Variants in CSMD1 observed in about 807,000 individuals in gnomAD.
CSMD1 encodes the protein CUB and sushi domain-containing protein 1.
CSMD1 carries 213 observed loss-of-function variants against 417.5 expected under a neutral mutation model. The ratio of observed to expected loss-of-function variants is 0.51; its 90% confidence interval spans 0.46 to 0.57. CSMD1 has a LOEUF of 0.57. Ranked by LOEUF, CSMD1 falls within the 20% of genes least tolerant of loss-of-function variation. The probability of loss-of-function intolerance (pLI) is 0.00; values close to 1 mark genes in which losing one functional copy is unlikely to be tolerated. For missense variants in CSMD1, 6,923 were observed against 4,529.7 expected, an observed-to-expected ratio of 1.53 and a Z score of -15.17; for synonymous variants, 2,862 against 1,736.8, an observed-to-expected ratio of 1.65 and a Z score of -16.11.
At chr8:3,376,051 T>G (rs1261115022) in intron 18 of CSMD1, among the ~76,000 whole-genome samples, 1 of 152,136 alleles carries the variant, frequency 6.6e-6, no homozygotes, top group African/African-American at 2.4e-5. Context: ...AGCACTTACT[T>G]CATTGTGTGA....
At chr8:3,457,191 C>T (rs969348435) in intron 12 of CSMD1, among the ~76,000 whole-genome samples, 1 of 151,640 alleles carries the variant, frequency 6.6e-6, no homozygotes. Context: ...TCATCGTGGA[C>T]TCCTAACCTG....
intron 26 of CSMD1, among the ~76,000 whole-genome samples, chr8:3,281,964 C>T (rs774359386): frequency 2.0e-5 from 3 of 152,224 alleles, no homozygotes; most frequent in South Asian, 2.1e-4. Flanking sequence ...CCGCTTCACT[C>T]TGTCTTTCCC....
At chr8:4,457,566 T>G (rs141532230) in intron 2 of CSMD1, among the ~76,000 whole-genome samples, 84 of 152,310 alleles carry the variant, frequency 5.5e-4, no homozygotes, top group African/African-American at 1.9e-3. Context: ...CCTGTTAATT[T>G]ATTGTCTCTG....
rs144962870 is a variant in CSMD1, at chr8:3,325,152, G to C, written c.3632-16649C>G. Among the ~76,000 whole-genome samples, 695 of 152,218 alleles carry C rather than the reference G, an allele frequency of 4.6e-3. 4 individuals are homozygous for C. The highest frequency in any genetic ancestry group is 0.016 in the African/African-American group (657 of 41,542). Reference sequence around the variant, plus strand: ...ATAACAAAAATCAAAATCAGCAACAGCATGACCTGTGACCCCTTACCCAGT... The same window carrying C: ...ATAACAAAAATCAAAATCAGCAACACCATGACCTGTGACCCCTTACCCAGT... On this transcript the variant is annotated intron_variant, in intron 23 of 69. Coordinates refer to ENST00000635120, the MANE Select transcript of CSMD1 (RefSeq NM_033225.6).
chr8:4,589,350 T>G (rs903558742), intron 2 of CSMD1, among the ~76,000 whole-genome samples: 1 of 152,188 alleles, frequency 6.6e-6, no homozygotes, highest in Non-Finnish European at 1.5e-5. Context: ...TAATTCAAAG[T>G]ATTAACCATA....
At chr8:3,463,477 G>A (rs190760842) in intron 12 of CSMD1, among the ~76,000 whole-genome samples, 13 of 152,294 alleles carry the variant, frequency 8.5e-5, no homozygotes, top group Admixed American at 3.3e-4. Flanking sequence ...TTGAAGCCAC[G>A]TCCTGCAGCT....
At chr8:3,684,549 C>CTTTCTATA (rs1799841450) in intron 7 of CSMD1, among the ~76,000 whole-genome samples, 1 of 148,760 alleles carries the variant, frequency 6.7e-6, no homozygotes, top group African/African-American at 2.5e-5. Flanking sequence ...ATGGCACTGT[C>CTTTCTATA]TTTCTATATC....
chr8:3,769,647 G>T (rs1205681723), intron 5 of CSMD1, among the ~76,000 whole-genome samples: 4 of 152,016 alleles, frequency 2.6e-5, no homozygotes, highest in Non-Finnish European at 4.4e-5. Context: ...TCCATTAAGA[G>T]AATGTTATAG....
intron 5 of CSMD1, among the ~76,000 whole-genome samples, chr8:3,821,709 G>A (rs766024185): frequency 2.7e-4 from 41 of 152,142 alleles, no homozygotes; most frequent in Admixed American, 1.3e-4. Flanking sequence ...TTGAACCCAG[G>A]AGCGGGAGGT....
At chr8:4,245,470 A>G (rs948621977) in intron 3 of CSMD1, among the ~76,000 whole-genome samples, 3 of 152,164 alleles carry the variant, frequency 2.0e-5, no homozygotes, top group Admixed American at 1.3e-4. Context: ...CACCCAACTC[A>G]GCAAACAAAA....
In CSMD1 at chr8:4,698,903, AACACACACACACAC is replaced by A. The variant is rs71988727; in HGVS notation, c.86-61359_86-61346del. Among the ~76,000 whole-genome samples the A allele has an allele frequency of 1.2e-4, 17 of 140,214 alleles. No individual in the cohort carries two copies. The East Asian group carries it at 2.3e-3, about 19-fold the overall frequency. The allele number at this position is 140,214 out of a possible 152,430, so 92.0% of individuals were successfully genotyped here. A position where few individuals can be genotyped will look rare whatever the true frequency, so the allele number is the denominator to read the frequency against. On this transcript the variant is annotated intron_variant, in intron 1 of 69. Coordinates refer to ENST00000635120, the MANE Select transcript of CSMD1 (RefSeq NM_033225.6). The stretch of plus-strand genomic sequence containing the variant: ...CTCTTAAACATGTGCATACCCTCCC[AACACACACACACAC>A]ACACACACACACACACACACACACC...
At chr8:3,102,407 T>C (rs750089807) in intron 46 of CSMD1, among the ~76,000 whole-genome samples, 7 of 152,218 alleles carry the variant, frequency 4.6e-5, no homozygotes, top group Non-Finnish European at 1.0e-4. Flanking sequence ...GGTTATCCTG[T>C]TCGCCTCCTG....
At chr8:4,510,424 C>CAAAAAAAAAAAAAAAAAAAAAAAAA (rs1225463197) in intron 2 of CSMD1, among the ~76,000 whole-genome samples, 3 of 70,306 alleles carry the variant, frequency 4.3e-5, no homozygotes, top group African/African-American at 1.7e-4. Flanking sequence ...AAAAAAAAAG[C>CAAAAAAAAAAAAAAAAAAAAAAAAA]AAATACTTTG....
intron 61 of CSMD1, among the ~76,000 whole-genome samples, chr8:2,961,949 A>G (rs138123476): frequency 7.2e-5 from 11 of 152,354 alleles, no homozygotes; most frequent in African/African-American, 2.4e-4. Flanking sequence ...CTTTAATACT[A>G]TATTTTCTAG....
intron 5 of CSMD1, among the ~76,000 whole-genome samples, chr8:3,900,191 A>G (rs1409815124): frequency 6.6e-6 from 1 of 152,076 alleles, no homozygotes; most frequent in Admixed American, 6.5e-5. Flanking sequence ...GCTGGGTAAC[A>G]GTGCAGCTGG....
intron 5 of CSMD1, among the ~76,000 whole-genome samples, chr8:3,812,878 A>C (rs1463356734): frequency 6.6e-6 from 1 of 152,186 alleles, no homozygotes; most frequent in African/African-American, 2.4e-5. Context: ...GGACCAGTTT[A>C]ATGACATGCC....
At chr8:3,979,838 G>A (rs369738802) in intron 5 of CSMD1, among the ~76,000 whole-genome samples, 1 of 152,146 alleles carries the variant, frequency 6.6e-6, no homozygotes, top group African/African-American at 2.4e-5. Context: ...ATGTAGAGAA[G>A]TGTCTAAATT....
intron 12 of CSMD1, among the ~76,000 whole-genome samples, chr8:3,410,686 G>A (rs985993264): frequency 7.9e-5 from 12 of 152,094 alleles, no homozygotes; most frequent in African/African-American, 2.7e-4. Flanking sequence ...GTCTTTATCA[G>A]CAGTGTAAAA....
At chr8:3,008,394 C>T (rs1038102120) in intron 52 of CSMD1, among the ~76,000 whole-genome samples, 41 of 152,218 alleles carry the variant, frequency 2.7e-4, no homozygotes, top group African/African-American at 9.6e-4. Context: ...GGGGAGGCTG[C>T]ACACCTGCAG....
Sources: gnomAD v4.1 joint callset for allele counts (sites outside exome capture counted in the v4.1 genomes callset) on GRCh38, gnomAD v4.1.1 for gene constraint, MANE v1.5 for transcripts, NCBI Gene and HGNC (gene_info 2026-07-23, HGNC 2026-07-21) for gene names.